KALRN: variants seen among roughly 807,000 people sequenced by gnomAD.
KALRN encodes kalirin RhoGEF kinase.
In KALRN, 70 loss-of-function variants were observed where a neutral mutation model predicts 353.7. That is an observed-to-expected ratio of 0.20 (90% confidence interval 0.16 to 0.24). The LOEUF (loss-of-function observed/expected upper bound fraction) is 0.24, where lower values mean the gene tolerates loss of function less well. Among genes scored for constraint, KALRN ranks in the 10% least tolerant of loss-of-function variants. KALRN has a pLI of 1.00. For missense variants in KALRN, 2,791 were observed against 3,756.7 expected, an observed-to-expected ratio of 0.74 and a Z score of 6.72; for synonymous variants, 1,391 against 1,434.8, an observed-to-expected ratio of 0.97 and a Z score of 0.69.
At chr3:124,429,458 TGA>T (rs1267806158) in intron 15 of KALRN, among the ~76,000 whole-genome samples, 10 of 152,262 alleles carry the variant, frequency 6.6e-5, no homozygotes, top group African/African-American at 2.2e-4. Context: ...TGGCATGAGG[TGA>T]CAGATGGGTG....
intron 1 of KALRN, chr3:124,094,608 G>A: frequency 3.5e-6 from 2 of 578,306 alleles, no homozygotes; most frequent in Non-Finnish European, 6.3e-6. Flanking sequence ...AGGCAGGCTC[G>A]GTCTGCACAC....
intron 8 of KALRN, among the ~76,000 whole-genome samples, chr3:124,332,962 T>TA (rs2080751545): frequency 6.6e-6 from 1 of 151,776 alleles, no homozygotes; most frequent in African/African-American, 2.4e-5. Context: ...GGGTAATTTA[T>TA]AAAAAAAGAA....
intron 3 of KALRN, among the ~76,000 whole-genome samples, chr3:124,258,669 A>G (rs1435185455): frequency 3.9e-5 from 6 of 152,222 alleles, no homozygotes; most frequent in African/African-American, 1.2e-4. Context: ...AACACCTACT[A>G]TGTGCCAGGC....
intron 6 of KALRN, among the ~76,000 whole-genome samples, chr3:124,308,961 G>A (rs1162144395): frequency 6.6e-6 from 1 of 151,900 alleles, no homozygotes; most frequent in Non-Finnish European, 1.5e-5. Flanking sequence ...AAGTGAAAGA[G>A]GGGATATTAT....
Position 124,720,071 on chromosome 3 carries a change from T to C in KALRN, c.*601T>C, listed in dbSNP as rs978600270. 1 of 152,672 alleles carries C rather than the reference T, an allele frequency of 6.5e-6. No individual in the cohort carries two copies. Among genetic ancestry groups the C allele is most frequent in the Non-Finnish European group, 1.5e-5 (1 of 68,046 alleles). 9.5% of individuals were successfully genotyped at this position (152,672 alleles called of 1,614,324 possible). A position where few individuals can be genotyped will look rare whatever the true frequency, so the allele number is the denominator to read the frequency against. Reference sequence around the variant, plus strand: ...TTATTTACCGAATCATTACATTGTTTTGACTAAGCACAATTAGATGACAAG... The same window carrying C: ...TTATTTACCGAATCATTACATTGTTCTGACTAAGCACAATTAGATGACAAG... On this transcript the variant is annotated 3_prime_UTR_variant, in exon 60 of 60. Coordinates refer to ENST00000682506, the MANE Select transcript of KALRN (RefSeq NM_001388419.1).
intron 58 of KALRN, among the ~76,000 whole-genome samples, chr3:124,715,181 G>A (rs2063079666): frequency 6.6e-6 from 1 of 152,208 alleles, no homozygotes; most frequent in Non-Finnish European, 1.5e-5. Flanking sequence ...TGAGAACATA[G>A]GTGCTTGGTT....
intron 1 of KALRN, among the ~76,000 whole-genome samples, chr3:124,070,681 T>A (rs1407048739): frequency 1.3e-5 from 2 of 152,238 alleles, no homozygotes; most frequent in African/African-American, 2.4e-5. Flanking sequence ...TAAGTCTCAG[T>A]GCCTATCCCA....
chr3:124,551,972 C>A (rs2070595577), intron 33 of KALRN, among the ~76,000 whole-genome samples: 1 of 152,212 alleles, frequency 6.6e-6, no homozygotes, highest in East Asian at 1.9e-4. Flanking sequence ...TTTAGCTAGT[C>A]ATTTTACCTC....
intron 27 of KALRN, among the ~76,000 whole-genome samples, chr3:124,479,624 C>T (rs2061760870): frequency 6.6e-6 from 1 of 152,052 alleles, no homozygotes; most frequent in African/African-American, 2.4e-5. Flanking sequence ...GAGATAAACC[C>T]TTAATAAAGG....
At chr3:124,431,216 C>T (rs1037643439) in intron 16 of KALRN, among the ~76,000 whole-genome samples, 2 of 152,010 alleles carry the variant, frequency 1.3e-5, no homozygotes, top group South Asian at 2.1e-4. Context: ...TACATGTAAC[C>T]CTTAGATACT....
intron 34 of KALRN, among the ~76,000 whole-genome samples, chr3:124,577,302 T>C (rs1045607556): frequency 2.0e-5 from 3 of 151,792 alleles, no homozygotes; most frequent in East Asian, 1.9e-4. Context: ...CAGGTGTCAA[T>C]TGGGCAAGTA....
intron 11 of KALRN, among the ~76,000 whole-genome samples, chr3:124,390,017 A>G (rs944031114): frequency 1.3e-5 from 2 of 152,218 alleles, no homozygotes; most frequent in South Asian, 2.1e-4. Context: ...AGCCTCCACT[A>G]CTAGTACAAA....
intron 1 of KALRN, among the ~76,000 whole-genome samples, chr3:124,205,211 T>C (rs991947868): frequency 6.6e-6 from 1 of 152,184 alleles, no homozygotes; most frequent in Non-Finnish European, 1.5e-5. Context: ...ATTGTGTAAA[T>C]ACTCCTATCA....
intron 1 of KALRN, among the ~76,000 whole-genome samples, chr3:124,058,053 T>G (rs4677913): frequency 0.92 from 139,603 of 152,156 alleles, 64,743 homozygotes; most frequent in East Asian, 1. Context: ...AGCTTGTGCA[T>G]AAAAACTCCC....
intron 5 of KALRN, among the ~76,000 whole-genome samples, chr3:124,284,784 C>T (rs904040126): frequency 2.0e-5 from 3 of 152,140 alleles, no homozygotes; most frequent in South Asian, 2.1e-4. Context: ...GTAAAATTTG[C>T]TTAAATATCA....
At position 124,091,977 on chromosome 3, in the gene KALRN, G is replaced by C. The variant is rs965881159; in HGVS notation, c.73+58164G>C. 3.3e-5 allele frequency among the ~76,000 whole-genome samples: 5 copies of C among 152,168 alleles called. No individual in the cohort carries two copies. The East Asian group carries it at 5.8e-4, about 18-fold the overall frequency. ...GACTTATGAGGCTCTGTGGGAGATGGAGAAATGAGCAGTGGTGGGCTGGGG... is the reference window on the plus strand; with the variant it reads ...GACTTATGAGGCTCTGTGGGAGATGCAGAAATGAGCAGTGGTGGGCTGGGG... On this transcript the variant is annotated intron_variant, in intron 1 of 59. Coordinates refer to ENST00000682506, the MANE Select transcript of KALRN (RefSeq NM_001388419.1).
rs13084270 is a variant in KALRN at position 124,717,485 on chromosome 3, G to C, written c.8415+100G>C. The C allele has an allele frequency of 1.3e-5, 9 of 712,880 alleles. 1 individual carries two copies. In the South Asian group the frequency reaches 2.1e-4, roughly 16 times the overall value. The allele number at this position is 712,880 out of a possible 1,614,324, so 44.2% of individuals were successfully genotyped here. On this transcript the variant is annotated intron_variant, in intron 59 of 59. Transcript: ENST00000682506. ...GCGGATCACAAGGTCAGGAGATCGA[G>C]ACCATCCTGGCTGACACGGTGAAAC...
At chr3:124,337,042 A>T (rs1489721370) in intron 9 of KALRN, among the ~76,000 whole-genome samples, 2 of 152,184 alleles carry the variant, frequency 1.3e-5, no homozygotes, top group Non-Finnish European at 2.9e-5. Context: ...GTTGCTTATC[A>T]GCTTAAGATT....
Position 124,175,160 on chromosome 3 carries a change from C to T in KALRN, c.74-52830C>T, listed in dbSNP as rs114070616. Among the ~76,000 whole-genome samples the T allele has an allele frequency of 9.3e-3, 1,416 of 152,334 alleles. 17 individuals carry two copies. Among genetic ancestry groups the T allele is most frequent in the African/African-American group, 0.031 (1,300 of 41,574 alleles). On this transcript the variant is annotated intron_variant, in intron 1 of 59. Transcript: ENST00000682506. ...AGAGGCTTTGGTTCTGTACTTGCCA[C>T]GTGCCCTGTGTTATGTATGGTGAGG... is the stretch of plus-strand genomic sequence containing the variant.
Sources: allele counts gnomAD v4.1 joint callset (sites outside exome capture counted in the v4.1 genomes callset), GRCh38; gene constraint gnomAD v4.1.1; transcripts MANE v1.5; gene names NCBI Gene and HGNC (gene_info 2026-07-23, HGNC 2026-07-21).